The following PDE1C variants were observed in gnomAD, a reference collection of about 807,000 sequenced individuals.
PDE1C encodes the protein phosphodiesterase 1C.
PDE1C carries 62 observed loss-of-function variants against 93.1 expected under a neutral mutation model. The observed-to-expected ratio is 0.67, with a 90% CI of 0.54 to 0.82. PDE1C has a LOEUF of 0.82. PDE1C is among the 40% of genes least tolerant of loss of function. The pLI is 0.00. For synonymous variants in PDE1C, 325 were observed against 310.1 expected, an observed-to-expected ratio of 1.05 and a Z score of -0.50; for missense variants, 742 against 884.6, an observed-to-expected ratio of 0.84 and a Z score of 2.04.
the PDE1C span, among the ~76,000 whole-genome samples, chr7:31,682,494 A>G: frequency 2.0e-5 from 3 of 152,210 alleles, no homozygotes; most frequent in Non-Finnish European, 4.4e-5. Context: ...TGAGGATGCA[A>G]AGGGGCTGGA....
chr7:31,680,073 T>G, the PDE1C span, among the ~76,000 whole-genome samples: 271 of 152,300 alleles, frequency 1.8e-3, no homozygotes, highest in African/African-American at 6.3e-3. Context: ...AGTCAGCATA[T>G]TTTCAGCATG....
At chr7:32,364,356 G>C (rs1784190201) in intron 1 of PDE1C, among the ~76,000 whole-genome samples, 1 of 152,184 alleles carries the variant, frequency 6.6e-6, no homozygotes, top group African/African-American at 2.4e-5. Context: ...AATTTGACAG[G>C]AGCGCCAGGA....
At chr7:32,338,253 G>T (rs1320270631) in intron 1 of PDE1C, among the ~76,000 whole-genome samples, 2 of 152,066 alleles carry the variant, frequency 1.3e-5, no homozygotes, top group Non-Finnish European at 2.9e-5. Flanking sequence ...TATATGAAGA[G>T]CTCCTACAAT....
At chr7:32,347,076 G>A (rs1018421246) in intron 1 of PDE1C, among the ~76,000 whole-genome samples, 2 of 152,204 alleles carry the variant, frequency 1.3e-5, no homozygotes, top group Non-Finnish European at 2.9e-5. Flanking sequence ...TTTTATGGTT[G>A]TAAATTACAC....
the PDE1C span, among the ~76,000 whole-genome samples, chr7:31,625,516 G>A: frequency 1.3e-4 from 20 of 152,180 alleles, no homozygotes; most frequent in Non-Finnish European, 2.5e-4. Context: ...ATAAACTATT[G>A]CAAGAACAAA....
At chr7:31,629,026 T>A in the PDE1C span, among the ~76,000 whole-genome samples, 1 of 152,076 alleles carries the variant, frequency 6.6e-6, no homozygotes, top group East Asian at 1.9e-4. Context: ...CCAAAAAAAT[T>A]GGCGTTACAA....
intron 2 of PDE1C, among the ~76,000 whole-genome samples, chr7:32,185,468 C>T (rs1329056499): frequency 6.6e-6 from 1 of 151,966 alleles, no homozygotes; most frequent in Non-Finnish European, 1.5e-5. Flanking sequence ...AATAAAATTG[C>T]CTATAAAACT....
intron 1 of PDE1C, among the ~76,000 whole-genome samples, chr7:32,213,880 A>G (rs984217492): frequency 3.9e-5 from 6 of 152,222 alleles, no homozygotes; most frequent in East Asian, 1.9e-4. Flanking sequence ...AGGGATGAGT[A>G]GAAGTGTGGT....
chr7:31,881,135 G>A (rs991251734), intron 2 of PDE1C, among the ~76,000 whole-genome samples: 3 of 152,116 alleles, frequency 2.0e-5, no homozygotes, highest in Non-Finnish European at 4.4e-5. Context: ...CAATGATTTT[G>A]CTTTTTCTCA....
chr7:31,713,666 G>A, the PDE1C span, among the ~76,000 whole-genome samples: 8 of 152,198 alleles, frequency 5.3e-5, no homozygotes, highest in South Asian at 4.1e-4. Context: ...GGGCATCCAG[G>A]CATTTCCATG....
At position 31,974,625 on chromosome 7, in the gene PDE1C, A is replaced by G. The variant is rs548171907; in HGVS notation, c.128+76929T>C. ...TTGAACACATATAACCTTAATGGATAAAAGGCAGGGAGGGAGGGAGGGCTA... is the reference window on the plus strand; with the variant it reads ...TTGAACACATATAACCTTAATGGATGAAAGGCAGGGAGGGAGGGAGGGCTA... On this transcript the variant is annotated intron_variant, in intron 2 of 17. Coordinates refer to ENST00000396191, the MANE Select transcript of PDE1C (RefSeq NM_001191057.4). Among the ~76,000 whole-genome samples the G allele has an allele frequency of 1.1e-4, 17 of 152,304 alleles. No homozygotes were observed. The South Asian group carries it at 3.5e-3, about 32-fold the overall frequency.
chr7:32,208,164 G>C (rs1805743282), intron 2 of PDE1C, among the ~76,000 whole-genome samples: 1 of 152,194 alleles, frequency 6.6e-6, no homozygotes, highest in South Asian at 2.1e-4. Flanking sequence ...CATTATTACA[G>C]TTCTATAAAA....
chr7:31,886,802 T>TCAGAATAGATCTTTTCGGATCTAC (rs1562972273), intron 2 of PDE1C, among the ~76,000 whole-genome samples: 5 of 136,134 alleles, frequency 3.7e-5, no homozygotes, highest in African/African-American at 1.4e-4. Flanking sequence ...TTCGGATCTT[T>TCAGAATAGATCTTTTCGGATCTAC]TCAGAATAGA....
intron 2 of PDE1C, among the ~76,000 whole-genome samples, chr7:31,936,890 T>G (rs534084297): frequency 8.5e-5 from 13 of 152,260 alleles, no homozygotes; most frequent in Non-Finnish European, 5.9e-5. Flanking sequence ...CAAGGTGTGG[T>G]TGAGTTACAG....
chr7:31,840,556 C>A (rs4720047), intron 9 of PDE1C, among the ~76,000 whole-genome samples: 4,001 of 152,138 alleles, frequency 0.026, 85 homozygotes, highest in East Asian at 0.1. Context: ...TCAGTATTTT[C>A]CTCTGGAAGT....
intron 2 of PDE1C, among the ~76,000 whole-genome samples, chr7:31,977,927 A>G (rs1167526534): frequency 2.6e-5 from 4 of 152,220 alleles, no homozygotes; most frequent in African/African-American, 4.8e-5. Context: ...TCCTTGGGCT[A>G]AATCTTTTCT....
intron 2 of PDE1C, among the ~76,000 whole-genome samples, chr7:32,208,637 T>G (rs887513545): frequency 2.0e-5 from 3 of 152,204 alleles, no homozygotes; most frequent in Non-Finnish European, 1.5e-5. Flanking sequence ...TATTTACAGT[T>G]GTACGATTTC....
intron 1 of PDE1C, among the ~76,000 whole-genome samples, chr7:32,297,909 T>G (rs187590278): frequency 6.6e-5 from 10 of 152,118 alleles, no homozygotes; most frequent in Non-Finnish European, 1.0e-4. Flanking sequence ...TCTCTCTTCA[T>G]GTGTCCCTTT....
intron 7 of PDE1C, 32 bp from the exon 8 acceptor site, chr7:31,850,773 C>G: frequency 6.8e-7 from 1 of 1,480,676 alleles, no homozygotes; most frequent in Non-Finnish European, 9.4e-7. Context: ...ATCAGATAAT[C>G]TGTTTCTTTC....
Sources: allele counts gnomAD v4.1 joint callset (sites outside exome capture counted in the v4.1 genomes callset), GRCh38; gene constraint gnomAD v4.1.1; transcripts MANE v1.5; gene names NCBI Gene and HGNC (gene_info 2026-07-23, HGNC 2026-07-21).